TLN2: variants seen among roughly 807,000 people sequenced by gnomAD.
The protein encoded by TLN2 is talin-2.
A neutral mutation model predicts 294.7 loss-of-function variants in TLN2; 118 were observed. The ratio of observed to expected loss-of-function variants is 0.40; its 90% confidence interval spans 0.34 to 0.47. The LOEUF (loss-of-function observed/expected upper bound fraction) is 0.47. Ranked by LOEUF, TLN2 falls within the 20% of genes least tolerant of loss-of-function variation. TLN2 has a pLI of 0.84. For synonymous variants in TLN2, 1,431 were observed against 1,304.5 expected (o/e 1.10, Z -2.09); for missense variants, 3,083 against 3,282.2 (o/e 0.94, Z 1.48).
chr15:62,808,369 G>C (rs1310391297), intron 51 of TLN2, among the ~76,000 whole-genome samples: 1 of 152,182 alleles, frequency 6.6e-6, no homozygotes, highest in Non-Finnish European at 1.5e-5. Context: ...ACTGTTGACA[G>C]ATATTTAGGC....
At chr15:62,626,388 C>T (rs2049285044) in intron 3 of TLN2, among the ~76,000 whole-genome samples, 1 of 152,188 alleles carries the variant, frequency 6.6e-6, no homozygotes, top group South Asian at 2.1e-4. Flanking sequence ...TGACATCTGA[C>T]AGTATGTGAT....
intron 1 of TLN2, among the ~76,000 whole-genome samples, chr15:62,507,014 T>C (rs941458087): frequency 2.0e-5 from 3 of 152,362 alleles, no homozygotes; most frequent in Admixed American, 6.5e-5. Context: ...CATTTCTTTT[T>C]AGCTTAAAAA....
chr15:62,500,623 A>G (rs188664149), intron 1 of TLN2, among the ~76,000 whole-genome samples: 91 of 152,322 alleles, frequency 6.0e-4, no homozygotes, highest in Non-Finnish European at 1.1e-3. Flanking sequence ...GAGGCAAGGG[A>G]AGAAAGATTT....
chr15:62,702,434 C>T (rs943237439), intron 18 of TLN2, among the ~76,000 whole-genome samples: 1 of 152,226 alleles, frequency 6.6e-6, no homozygotes, highest in Non-Finnish European at 1.5e-5. Flanking sequence ...GATGCAGCTA[C>T]AGGAACTTAA....
chr15:62,474,445 C>A (rs707601), intron 1 of TLN2, among the ~76,000 whole-genome samples: 37,618 of 151,840 alleles, frequency 0.25, 4,968 homozygotes, highest in East Asian at 0.53. Context: ...GGGTTTGAGA[C>A]CAACATAGTC....
In TLN2 at chr15:62,820,607, A is replaced by G. The variant is rs1567676789; in HGVS notation, c.6999A>G (p.Pro2333=). The G allele has an allele frequency of 3.7e-6, 6 of 1,612,960 alleles. No individual in the cohort carries two copies. Among genetic ancestry groups the G allele is most frequent in the Non-Finnish European group, 5.1e-6 (6 of 1,179,372 alleles). The change falls in exon 54 of 59, where the codon CCA becomes CCG. Residue 2333 remains proline (P), a synonymous_variant. Transcript: ENST00000636159. ...AGCAACTGAAGCCAAGAGCAAAACCAAAAGTAAGTGTTCATTTATGGTTGG... is the reference window on the plus strand; with the variant it reads ...AGCAACTGAAGCCAAGAGCAAAACCGAAAGTAAGTGTTCATTTATGGTTGG... ...KLEQLKPRAK[P]KQADETLDFE...
intron 28 of TLN2, among the ~76,000 whole-genome samples, chr15:62,735,364 G>A (rs1035169051): frequency 6.6e-5 from 10 of 152,282 alleles, no homozygotes; most frequent in African/African-American, 2.2e-4. Context: ...AGCTTTAAAG[G>A]ACTAGTTTAT....
intron 3 of TLN2, among the ~76,000 whole-genome samples, chr15:62,630,948 A>G (rs778126873): frequency 6.6e-6 from 1 of 152,204 alleles, no homozygotes; most frequent in Non-Finnish European, 1.5e-5. Context: ...GTAAATTTCT[A>G]GATGTCTTTC....
intron 51 of TLN2, among the ~76,000 whole-genome samples, chr15:62,806,671 C>A (rs1344111708): frequency 1.3e-5 from 2 of 152,148 alleles, no homozygotes; most frequent in Non-Finnish European, 2.9e-5. Context: ...GGGCCTGGAA[C>A]CTTTATTTTT....
Position 62,429,921 on chromosome 15 carries a change from C to A in TLN2, c.-238+39236C>A, listed in dbSNP as rs562700614. Among the ~76,000 whole-genome samples the A allele has an allele frequency of 9.9e-5, 15 of 152,172 alleles. 1 individual carries two copies. The highest frequency in any genetic ancestry group is 1.9e-4 in the Non-Finnish European group (13 of 68,024). On this transcript the variant is annotated intron_variant, in intron 1 of 58. Transcript: ENST00000636159. ...AGCCTGTACGTGACTTATCCAAGAT[C>A]ACTGGTTAAGGTTTTTACATAACCG...
At chr15:62,401,814 T>A (rs917677822) in intron 1 of TLN2, among the ~76,000 whole-genome samples, 7 of 152,208 alleles carry the variant, frequency 4.6e-5, no homozygotes, top group South Asian at 4.1e-4. Context: ...CAGTTATCTT[T>A]TCCTCTACCC....
chr15:62,756,598 T>G (rs968575688), intron 37 of TLN2, among the ~76,000 whole-genome samples: 3 of 152,202 alleles, frequency 2.0e-5, no homozygotes, highest in African/African-American at 7.2e-5. Context: ...TTGAAGGAGT[T>G]AACACTTTTT....
chr15:62,835,619 T>G, intron 55 of TLN2, 118 bp from the exon 56 acceptor site: 2 of 1,085,740 alleles, frequency 1.8e-6, no homozygotes, highest in Admixed American at 1.7e-5. Flanking sequence ...GCCTGTGCTG[T>G]TGGCAGGAGG....
chr15:62,628,834 A>G, intron 3 of TLN2, among the ~76,000 whole-genome samples: 1 of 152,214 alleles, frequency 6.6e-6, no homozygotes, highest in Admixed American at 6.5e-5. Context: ...ATGATCCTGG[A>G]GACTTAACCT....
intron 11 of TLN2, among the ~76,000 whole-genome samples, chr15:62,680,006 C>G (rs2056666367): frequency 6.6e-6 from 1 of 152,194 alleles, no homozygotes; most frequent in Admixed American, 6.5e-5. Flanking sequence ...GGGTCTATTT[C>G]TGGGTTCTTT....
At chr15:62,396,604 T>G (rs1220779881) in intron 1 of TLN2, among the ~76,000 whole-genome samples, 1 of 152,220 alleles carries the variant, frequency 6.6e-6, no homozygotes, top group Non-Finnish European at 1.5e-5. Context: ...GTGGTGAAAG[T>G]AAGAGCTCAG....
intron 3 of TLN2, among the ~76,000 whole-genome samples, chr15:62,620,777 C>T (rs2048733453): frequency 2.6e-5 from 4 of 151,680 alleles, no homozygotes; most frequent in Admixed American, 1.3e-4. Context: ...CCACCACACC[C>T]AGCCCCAAAG....
chr15:62,419,254 A>G (rs1401196817), intron 1 of TLN2, among the ~76,000 whole-genome samples: 1 of 152,232 alleles, frequency 6.6e-6, no homozygotes, highest in Non-Finnish European at 1.5e-5. Context: ...ATTAAAAGTA[A>G]TAAGTTCACA....
chr15:62,599,943 T>C (rs192336568), intron 2 of TLN2, among the ~76,000 whole-genome samples: 2 of 152,242 alleles, frequency 1.3e-5, no homozygotes, highest in South Asian at 2.1e-4. Flanking sequence ...ACTTGGGCGT[T>C]GTTCTGTTGT....
Sources: allele counts gnomAD v4.1 joint callset (sites outside exome capture counted in the v4.1 genomes callset), GRCh38; gene constraint gnomAD v4.1.1; transcripts MANE v1.5; gene names NCBI Gene and HGNC (gene_info 2026-07-23, HGNC 2026-07-21).